Variants in CREB3L2 observed in about 807,000 individuals in gnomAD.
CREB3L2 encodes cyclic AMP-responsive element-binding protein 3-like protein 2.
A neutral mutation model predicts 57.2 loss-of-function variants in CREB3L2; 23 were observed. The ratio of observed to expected loss-of-function variants is 0.40; its 90% CI spans 0.29 to 0.57. The LOEUF (loss-of-function observed/expected upper bound fraction) is 0.57, where lower values mean the gene tolerates loss of function less well. Ranked by LOEUF, CREB3L2 falls within the 20% of genes least tolerant of loss-of-function variation. The pLI is 0.42. For synonymous variants in CREB3L2, 268 were observed against 265.1 expected (o/e 1.01, Z -0.11); for missense variants, 628 against 634.7 (o/e 0.99, Z 0.11).
intron 11 of CREB3L2, 34 bp downstream of exon 11, chr7:137,882,378 C>G: frequency 1.3e-6 from 2 of 1,534,840 alleles, no homozygotes; most frequent in Non-Finnish European, 1.8e-6. Context: ...CATCAGTGCA[C>G]TAGAGGAGTT....
chr7:137,926,582 G>A (rs1263142860), intron 2 of CREB3L2, among the ~76,000 whole-genome samples: 1 of 152,088 alleles, frequency 6.6e-6, no homozygotes, highest in Non-Finnish European at 1.5e-5. Context: ...CTGTCGGTGG[G>A]TAGCGGGCAA....
intron 1 of CREB3L2, among the ~76,000 whole-genome samples, chr7:137,930,357 A>AAGAGGAT (rs1260739765): frequency 6.6e-6 from 1 of 152,228 alleles, no homozygotes; most frequent in East Asian, 1.9e-4. Flanking sequence ...ACACAGCAAT[A>AAGAGGAT]AGAGAACGAT....
At chr7:137,930,923 C>CT (rs1251395118) in intron 1 of CREB3L2, among the ~76,000 whole-genome samples, 10 of 106,112 alleles carry the variant, frequency 9.4e-5, no homozygotes, top group East Asian at 4.7e-4. Flanking sequence ...GTAGTCATTC[C>CT]TTTTAAAAAA....
chr7:137,989,163 G>A (rs1801841627), intron 1 of CREB3L2, among the ~76,000 whole-genome samples: 1 of 152,156 alleles, frequency 6.6e-6, no homozygotes, highest in African/African-American at 2.4e-5. Flanking sequence ...TTTACTCTGA[G>A]TTCCTGGCCT....
intron 1 of CREB3L2, among the ~76,000 whole-genome samples, chr7:137,966,596 C>A (rs1427497592): frequency 6.6e-6 from 1 of 152,100 alleles, no homozygotes; most frequent in Non-Finnish European, 1.5e-5. Context: ...GGAGATTTTA[C>A]AAAGAACAGG....
At chr7:137,926,057 T>G (rs1379045515) in intron 2 of CREB3L2, among the ~76,000 whole-genome samples, 2 of 152,180 alleles carry the variant, frequency 1.3e-5, no homozygotes, top group South Asian at 2.1e-4. Flanking sequence ...TTTAGAATGG[T>G]GATCATTAAA....
chr7:137,991,167 T>C (rs1423276752), intron 1 of CREB3L2, among the ~76,000 whole-genome samples: 2 of 151,960 alleles, frequency 1.3e-5, no homozygotes, highest in Non-Finnish European at 2.9e-5. Context: ...CATAGCTTTT[T>C]TTTTTTTCTT....
intron 1 of CREB3L2, among the ~76,000 whole-genome samples, chr7:137,950,674 A>AAAAC (rs1037425822): frequency 1.3e-5 from 2 of 152,164 alleles, no homozygotes; most frequent in South Asian, 2.1e-4. Flanking sequence ...GTTTCAGAGT[A>AAAAC]AAACAAACAA....
chr7:137,957,794 A>G, intron 1 of CREB3L2: 2 of 1,286,378 alleles, frequency 1.6e-6, no homozygotes, highest in East Asian at 5.6e-5. Context: ...AAATGCAATG[A>G]CATTTATCTC....
At position 137,885,201 on chromosome 7, in the gene CREB3L2, G is replaced by A. The variant is rs565162998; in HGVS notation, c.1144-80C>T. 50 of 1,510,104 alleles carry A rather than the reference G, an allele frequency of 3.3e-5. No individual in the cohort carries two copies. The African/African-American group carries it at 6.4e-4, about 19-fold the overall frequency. 93.5% of individuals were successfully genotyped at this position (1,510,104 alleles called of 1,614,324 possible). Reference sequence around the variant, plus strand: ...TGGACAGCACAGCTTTATACCCAGGGACACAGACTCTCCTCTTCAGGCCAG... The same window carrying A: ...TGGACAGCACAGCTTTATACCCAGGAACACAGACTCTCCTCTTCAGGCCAG... On this transcript the variant is annotated intron_variant, in intron 9 of 11. Coordinates refer to ENST00000330387, the MANE Select transcript of CREB3L2 (RefSeq NM_194071.4).
Position 137,879,053 on chromosome 7 carries a change from G to A in CREB3L2, c.*1423C>T, listed in dbSNP as rs1383076469. 1 of 430,304 alleles carries A rather than the reference G, an allele frequency of 2.3e-6. No homozygotes were observed. Among genetic ancestry groups the A allele is most frequent in the Admixed American group, 3.5e-5 (1 of 28,422 alleles). The allele number at this position is 430,304 out of a possible 1,614,324, so 26.7% of individuals were successfully genotyped here. A position where few individuals can be genotyped will look rare whatever the true frequency, so the allele number is the denominator to read the frequency against. On this transcript the variant is annotated 3_prime_UTR_variant, in exon 12 of 12. Coordinates refer to ENST00000330387, the MANE Select transcript of CREB3L2 (RefSeq NM_194071.4). The stretch of plus-strand genomic sequence containing the variant: ...ATTTCCTACACAAAATCTTTCCCAA[G>A]CTCGGAAAAAACACTTGAGGGTTTT...
At chr7:137,962,541 A>T (rs1801341487) in intron 1 of CREB3L2, among the ~76,000 whole-genome samples, 2 of 151,892 alleles carry the variant, frequency 1.3e-5, no homozygotes, top group South Asian at 4.2e-4. Context: ...CACTTTTGCC[A>T]GCCATCTGGG....
chr7:137,922,443 T>TGTAC (rs1800342777), intron 2 of CREB3L2: 1 of 99,338 alleles, frequency 1.0e-5, no homozygotes, highest in African/African-American at 9.4e-5. Context: ...TATACGTATA[T>TGTAC]ATATATATAT....
intron 1 of CREB3L2, among the ~76,000 whole-genome samples, chr7:137,957,072 G>A (rs1801230244): frequency 6.6e-6 from 1 of 152,026 alleles, no homozygotes; most frequent in Non-Finnish European, 1.5e-5. Flanking sequence ...ACTCCACTGG[G>A]TTCCCACTCT....
intron 3 of CREB3L2, among the ~76,000 whole-genome samples, chr7:137,915,488 A>C (rs369120342): frequency 1.3e-5 from 2 of 152,186 alleles, no homozygotes; most frequent in African/African-American, 2.4e-5. Flanking sequence ...GCCATGGATT[A>C]CATCACCACT....
chr7:137,947,928 G>A lies in CREB3L2; in HGVS notation c.103-19562C>T, dbSNP rs564390684. Among the ~76,000 whole-genome samples the A allele has an allele frequency of 2.6e-4, 39 of 152,164 alleles. 1 individual carries two copies. Among genetic ancestry groups the A allele is most frequent in the Admixed American group, 1.2e-3 (19 of 15,284 alleles). ...TTTATAACTGTGCCAGGCCTCCTCC[G>A]GCCCGACCTTCATTTGAGTTGGCTC... is the stretch of plus-strand genomic sequence containing the variant. On this transcript the variant is annotated intron_variant, in intron 1 of 11. Transcript: ENST00000330387.
intron 7 of CREB3L2, among the ~76,000 whole-genome samples, chr7:137,903,602 T>G (rs1411727764): frequency 6.6e-6 from 1 of 152,150 alleles, no homozygotes; most frequent in African/African-American, 2.4e-5. Flanking sequence ...TGGGGGCTGA[T>G]TAAGTAGCAC....
chr7:137,995,629 G>A (rs377122280), intron 1 of CREB3L2, among the ~76,000 whole-genome samples: 8 of 152,046 alleles, frequency 5.3e-5, no homozygotes, highest in East Asian at 1.9e-4. Context: ...CACCGCGCCC[G>A]GCCAGGGGCT....
In CREB3L2 at chr7:137,877,482, T is replaced by C. The variant is rs1269285095; in HGVS notation, c.*2994A>G. On this transcript the variant is annotated 3_prime_UTR_variant, in exon 12 of 12. Transcript: ENST00000330387. ...CAGCCTTTCATTTACAATATCCCTTTTTAAGTGCAAAGTCGAGGGCTGTGA... is the reference window on the plus strand; with the variant it reads ...CAGCCTTTCATTTACAATATCCCTTCTTAAGTGCAAAGTCGAGGGCTGTGA... 1 of 225,574 alleles carries C rather than the reference T, an allele frequency of 4.4e-6. No homozygotes were observed. Among genetic ancestry groups the C allele is most frequent in the Non-Finnish European group, 8.8e-6 (1 of 113,304 alleles). 14.0% of individuals were successfully genotyped at this position (225,574 alleles called of 1,614,324 possible).
Sources: allele counts gnomAD v4.1 joint callset (sites outside exome capture counted in the v4.1 genomes callset), GRCh38; gene constraint gnomAD v4.1.1; transcripts MANE v1.5; gene names NCBI Gene and HGNC (gene_info 2026-07-23, HGNC 2026-07-21).